Variants in ZFAT observed in about 807,000 individuals in gnomAD.
ZFAT encodes zinc finger protein ZFAT.
In ZFAT, 64 loss-of-function variants were observed where a neutral mutation model predicts 117.7. The ratio of observed to expected loss-of-function variants is 0.54; its 90% CI spans 0.44 to 0.67. The LOEUF (loss-of-function observed/expected upper bound fraction) is 0.67, where lower values mean the gene tolerates loss of function less well. Among genes scored for constraint, ZFAT ranks in the 30% least tolerant of loss-of-function variants. The pLI is 0.00. For missense variants in ZFAT, 1,433 were observed against 1,584.5 expected (o/e 0.90, Z 1.62); for synonymous variants, 679 against 615.0 (o/e 1.10, Z -1.54).
chr8:134,791,823 T>G, the ZFAT span, among the ~76,000 whole-genome samples: 1 of 152,160 alleles, frequency 6.6e-6, no homozygotes, highest in African/African-American at 2.4e-5. Context: ...TACGCAGTTG[T>G]GGCAAATGAG....
intron 1 of ZFAT, among the ~76,000 whole-genome samples, chr8:134,667,969 A>C (rs28800849): frequency 0.033 from 4,977 of 152,228 alleles, 277 homozygotes; most frequent in African/African-American, 0.11. Flanking sequence ...TATCCCGCGC[A>C]TGGCTCCGTG....
intron 1 of ZFAT, among the ~76,000 whole-genome samples, chr8:134,693,776 G>A (rs1027195721): frequency 6.6e-6 from 1 of 152,104 alleles, no homozygotes; most frequent in Admixed American, 6.6e-5. Flanking sequence ...CTTGGAGTGA[G>A]GAGTAGCAGG....
At chr8:134,621,738 G>A (rs750963864) in intron 3 of ZFAT, among the ~76,000 whole-genome samples, 3 of 152,158 alleles carry the variant, frequency 2.0e-5, no homozygotes, top group African/African-American at 7.2e-5. Context: ...CTCCCTGCCA[G>A]CCTCCCACAC....
chr8:134,772,313 A>C, the ZFAT span, among the ~76,000 whole-genome samples: 30 of 152,254 alleles, frequency 2.0e-4, no homozygotes, highest in African/African-American at 5.5e-4. Flanking sequence ...TTGTGAATGC[A>C]AAGGAAAAGT....
chr8:134,549,552 G>T (rs907096878), intron 11 of ZFAT, among the ~76,000 whole-genome samples: 1 of 151,822 alleles, frequency 6.6e-6, no homozygotes, highest in Non-Finnish European at 1.5e-5. Context: ...TCCCCACCCC[G>T]CAGCAAGAAG....
At chr8:134,592,061 G>C (rs1826547640) in intron 7 of ZFAT, among the ~76,000 whole-genome samples, 1 of 152,166 alleles carries the variant, frequency 6.6e-6, no homozygotes, top group South Asian at 2.1e-4. Flanking sequence ...ACCACTGCAA[G>C]GAAATGTTTT....
chr8:134,770,841 G>A, the ZFAT span, among the ~76,000 whole-genome samples: 3 of 152,150 alleles, frequency 2.0e-5, no homozygotes, highest in South Asian at 2.1e-4. Flanking sequence ...TCTTATGGTC[G>A]AGGCTGCAGT....
intron 3 of ZFAT, among the ~76,000 whole-genome samples, chr8:134,616,728 T>C (rs1192963236): frequency 1.3e-5 from 2 of 152,310 alleles, no homozygotes; most frequent in East Asian, 3.9e-4. Flanking sequence ...GTGAGCTTGC[T>C]ACAAACCAGC....
the ZFAT span, among the ~76,000 whole-genome samples, chr8:134,725,759 A>G: frequency 6.6e-6 from 1 of 151,792 alleles, no homozygotes; most frequent in Non-Finnish European, 1.5e-5. Context: ...GGCAAACCAG[A>G]GCCCTTTTTG....
chr8:134,602,022 T>C lies in ZFAT; in HGVS notation c.1697A>G (p.Gln566Arg). The C allele has an allele frequency of 6.2e-7, 1 of 1,612,356 alleles. No individual in the cohort carries two copies. Among genetic ancestry groups the C allele is most frequent in the Admixed American group, 1.7e-5 (1 of 59,978 alleles). ...GGGTGGCAGGGCTGTGCTTTCGGCC[T>C]GCGGGGAGGCCAGGTGCACAGCTGG... is the stretch of plus-strand genomic sequence containing the variant. ...PAPAVHLASP[Q>R]AESTALPPCE... The change falls in exon 6 of 16, where the codon CAG (glutamine) becomes CGG (arginine). Residue 566 changes from glutamine to arginine, a missense_variant. Physicochemically the swap from Gln to Arg is conservative, Grantham distance 43. Transcript: ENST00000377838.
chr8:134,617,811 G>C (rs1462854962), intron 3 of ZFAT, among the ~76,000 whole-genome samples: 1 of 152,176 alleles, frequency 6.6e-6, no homozygotes, highest in Non-Finnish European at 1.5e-5. Flanking sequence ...CTAAATTGCA[G>C]ATAGTCTCGA....
chr8:134,483,691 C>G (rs1442114093), intron 15 of ZFAT, among the ~76,000 whole-genome samples: 1 of 152,152 alleles, frequency 6.6e-6, no homozygotes, highest in African/African-American at 2.4e-5. Flanking sequence ...CGATAGAAAC[C>G]CTTAACCCCT....
chr8:134,610,441 C>A, intron 4 of ZFAT, 29 bp downstream of exon 4: 1 of 1,601,918 alleles, frequency 6.2e-7, no homozygotes, highest in East Asian at 2.2e-5. Context: ...AAGGGTCTTG[C>A]CTTTTCCTTT....
At chr8:134,484,130 A>T (rs955140504) in intron 15 of ZFAT, among the ~76,000 whole-genome samples, 12 of 152,112 alleles carry the variant, frequency 7.9e-5, no homozygotes, top group Non-Finnish European at 1.3e-4. Context: ...TGGGTCCTGC[A>T]TTGCTCCCAC....
At chr8:134,508,927 T>A (rs1215838277) in intron 15 of ZFAT, among the ~76,000 whole-genome samples, 1 of 152,224 alleles carries the variant, frequency 6.6e-6, no homozygotes, top group Admixed American at 6.5e-5. Flanking sequence ...GGTTTTCTGT[T>A]TTTTAAAGTA....
intron 8 of ZFAT, among the ~76,000 whole-genome samples, chr8:134,589,569 A>G (rs2130870690): frequency 6.6e-6 from 1 of 152,324 alleles, no homozygotes; most frequent in Middle Eastern, 3.4e-3. Context: ...GAGGCGGGAT[A>G]AGCCCCGACT....
chr8:134,814,756 T>C, the ZFAT span, among the ~76,000 whole-genome samples: 1 of 152,214 alleles, frequency 6.6e-6, no homozygotes, highest in Admixed American at 6.5e-5. Flanking sequence ...ACTTGTCTGT[T>C]TCCACACTAA....
Position 134,590,303 on chromosome 8 carries a change from C to T in ZFAT, c.2528G>A (p.Arg843Gln), listed in dbSNP as rs1268267660. 3.1e-6 allele frequency: 5 copies of T among 1,613,112 alleles called. No individual in the cohort carries two copies. The highest frequency in any genetic ancestry group is 1.7e-5 in the Admixed American group (1 of 59,996). The change falls in exon 8 of 16, where the codon CGA becomes CAA. Residue 843 changes from arginine to glutamine, a missense_variant. By Grantham distance (43) the Arg-to-Gln change is conservative. Coordinates refer to ENST00000377838, the MANE Select transcript of ZFAT (RefSeq NM_020863.4). ...PVCEKSFSED[R>Q]LIKSHIKTNH... ...GGTCTTGATATGTGACTTTATCAAT[C>T]GATCCTCTGAAAAAGACTTTTCACA...
the ZFAT span, chr8:134,793,865 T>C: frequency 6.6e-6 from 1 of 152,204 alleles, no homozygotes; most frequent in Non-Finnish European, 1.5e-5. Context: ...TTCTACTAAA[T>C]ACTGTGCTCT....
Sources: gnomAD v4.1 joint callset for allele counts (sites outside exome capture counted in the v4.1 genomes callset) on GRCh38, gnomAD v4.1.1 for gene constraint, MANE v1.5 for transcripts, NCBI Gene and HGNC (gene_info 2026-07-23, HGNC 2026-07-21) for gene names.